Variants in GRK5 observed in about 807,000 individuals in gnomAD.
The protein encoded by GRK5 is g protein-coupled receptor kinase GRK5.
In GRK5, 40 loss-of-function variants were observed where a neutral mutation model predicts 78.4. The observed-to-expected ratio is 0.51, with a 90% CI of 0.40 to 0.66. The LOEUF is 0.66. Among genes scored for constraint, GRK5 ranks in the 30% least tolerant of loss-of-function variants. The probability of loss-of-function intolerance (pLI) is 0.00; values close to 1 mark genes in which losing one functional copy is unlikely to be tolerated. For synonymous variants in GRK5, 289 were observed against 296.8 expected (o/e 0.97, Z 0.27); for missense variants, 598 against 759.9 (o/e 0.79, Z 2.50).
chr10:119,260,458 G>A (rs1336154850), intron 1 of GRK5, among the ~76,000 whole-genome samples: 2 of 149,422 alleles, frequency 1.3e-5, no homozygotes, highest in African/African-American at 4.9e-5. Context: ...CACAGAGGGG[G>A]ATTTGGCAGG....
intron 1 of GRK5, among the ~76,000 whole-genome samples, chr10:119,223,563 C>T (rs1848690368): frequency 6.6e-6 from 1 of 152,040 alleles, no homozygotes; most frequent in African/African-American, 2.4e-5. Flanking sequence ...ACTACTCTGA[C>T]CGGGTCCCCA....
intron 1 of GRK5, among the ~76,000 whole-genome samples, chr10:119,320,989 A>G (rs1043667448): frequency 6.6e-6 from 1 of 152,254 alleles, no homozygotes; most frequent in African/African-American, 2.4e-5. Flanking sequence ...ATACAGAGAA[A>G]CAATCAAGTC....
At chr10:119,239,218 G>A (rs993628723) in intron 1 of GRK5, among the ~76,000 whole-genome samples, 3 of 151,336 alleles carry the variant, frequency 2.0e-5, no homozygotes, top group Non-Finnish European at 4.4e-5. Context: ...CATGGGGCAG[G>A]TCCTTAAGGA....
At chr10:119,230,543 C>T (rs1564856482) in intron 1 of GRK5, among the ~76,000 whole-genome samples, 1 of 152,076 alleles carries the variant, frequency 6.6e-6, no homozygotes, top group Non-Finnish European at 1.5e-5. Context: ...GAGACTTACT[C>T]ACTGTCTCAA....
At chr10:119,269,501 C>G (rs962954279) in intron 1 of GRK5, among the ~76,000 whole-genome samples, 1 of 152,050 alleles carries the variant, frequency 6.6e-6, no homozygotes, top group African/African-American at 2.4e-5. Flanking sequence ...TTTGCGTGCT[C>G]TCATCCTGGG....
At chr10:119,240,059 G>A (rs191054853) in intron 1 of GRK5, among the ~76,000 whole-genome samples, 1 of 152,176 alleles carries the variant, frequency 6.6e-6, no homozygotes, top group East Asian at 1.9e-4. Flanking sequence ...GGGTCAAATG[G>A]TATTTCTGGC....
chr10:119,420,601 C>T (rs1852552885), intron 4 of GRK5, among the ~76,000 whole-genome samples: 3 of 146,098 alleles, frequency 2.1e-5, no homozygotes, highest in African/African-American at 5.1e-5. Flanking sequence ...TCTTTTGAGA[C>T]AGGGTCTCAC....
rs1046072086 is a variant in GRK5, at chr10:119,445,558, G to A, written c.1266+1806G>A. Among the ~76,000 whole-genome samples, 9 of 152,114 alleles carry A rather than the reference G, an allele frequency of 5.9e-5. No individual in the cohort carries two copies. The highest frequency in any genetic ancestry group is 3.3e-4 in the Admixed American group (5 of 15,278). ...CACTGAGAGAAAGCCTGCTGCTCCC[G>A]GAGGACCTGTCCCGTGGGTACAAAA... On this transcript the variant is annotated intron_variant, in intron 12 of 15. Transcript: ENST00000392870. The surrounding 1 kb of genome is among the most constrained non-coding windows in gnomAD (Gnocchi z 4.1).
chr10:119,319,398 T>A (rs1850546930), intron 1 of GRK5, among the ~76,000 whole-genome samples: 1 of 152,246 alleles, frequency 6.6e-6, no homozygotes, highest in African/African-American at 2.4e-5. Flanking sequence ...CGAGGCCACC[T>A]TGGTCCTCTG....
At chr10:119,220,500 C>T (rs1032897127) in intron 1 of GRK5, among the ~76,000 whole-genome samples, 1 of 152,258 alleles carries the variant, frequency 6.6e-6, no homozygotes, top group Non-Finnish European at 1.5e-5. Context: ...TGTTCTATAT[C>T]ATGGTCCTTG....
intron 1 of GRK5, among the ~76,000 whole-genome samples, chr10:119,270,400 T>C (rs1270395353): frequency 6.6e-6 from 1 of 152,280 alleles, no homozygotes; most frequent in African/African-American, 2.4e-5. Context: ...CAATACGTTA[T>C]AGCAACTGTA....
chr10:119,339,500 C>T (rs17095969), intron 2 of GRK5, among the ~76,000 whole-genome samples: 10,111 of 152,234 alleles, frequency 0.066, 503 homozygotes, highest in East Asian at 0.22. Context: ...TTGTTCTGAA[C>T]ACCCCAGAGC....
At chr10:119,303,446 G>A (rs1850218698) in intron 1 of GRK5, among the ~76,000 whole-genome samples, 1 of 152,292 alleles carries the variant, frequency 6.6e-6, no homozygotes, top group South Asian at 2.1e-4. Flanking sequence ...CAGGGGCACA[G>A]CCAGCAGGGC....
intron 2 of GRK5, among the ~76,000 whole-genome samples, chr10:119,338,106 C>T (rs777058878): frequency 1.4e-4 from 21 of 152,290 alleles, no homozygotes; most frequent in South Asian, 1.0e-3. Flanking sequence ...AACATATTCA[C>T]GTGCTCATGT....
intron 1 of GRK5, among the ~76,000 whole-genome samples, chr10:119,313,769 A>G (rs950304464): frequency 1.3e-5 from 2 of 152,024 alleles, no homozygotes; most frequent in Non-Finnish European, 2.9e-5. Flanking sequence ...CTCAGGCCCC[A>G]TGTGCTGGGA....
intron 1 of GRK5, among the ~76,000 whole-genome samples, chr10:119,280,344 G>T (rs926575488): frequency 6.6e-6 from 1 of 152,196 alleles, no homozygotes; most frequent in African/African-American, 2.4e-5. Flanking sequence ...TGTCACACTT[G>T]TTGCCTCAAG....
intron 3 of GRK5, among the ~76,000 whole-genome samples, chr10:119,396,347 C>G (rs923726555): frequency 2.6e-5 from 4 of 152,224 alleles, no homozygotes. Context: ...GTCTTCAACC[C>G]CGGCTGCCCA....
At chr10:119,403,225 G>T (rs1238623320) in intron 4 of GRK5, among the ~76,000 whole-genome samples, 2 of 152,154 alleles carry the variant, frequency 1.3e-5, no homozygotes, top group African/African-American at 4.8e-5. Flanking sequence ...GGAGTGCAGT[G>T]GTGTGATCTC....
intron 1 of GRK5, among the ~76,000 whole-genome samples, chr10:119,279,148 G>A (rs909466893): frequency 2.5e-4 from 38 of 152,222 alleles, no homozygotes; most frequent in African/African-American, 8.2e-4. Context: ...CCAAAGTGCT[G>A]GGATTACAGG....
Sources: gnomAD v4.1 joint callset for allele counts (sites outside exome capture counted in the v4.1 genomes callset) on GRCh38, gnomAD v4.1.1 for gene constraint, Gnocchi (gnomAD v3.1) non-coding constraint, MANE v1.5 for transcripts, NCBI Gene and HGNC (gene_info 2026-07-23, HGNC 2026-07-21) for gene names.